The following NDST4 variants were observed in gnomAD, a reference collection of about 807,000 sequenced individuals.
NDST4 encodes N-deacetylase and N-sulfotransferase 4, also known as N-heparan sulfate sulfotransferase 4.
A neutral mutation model predicts 100.8 loss-of-function variants in NDST4; 63 were observed. The ratio of observed to expected loss-of-function variants is 0.62; its 90% CI spans 0.51 to 0.77. NDST4 has a LOEUF of 0.77. Among genes scored for constraint, NDST4 ranks in the 30% least tolerant of loss-of-function variants. NDST4 has a pLI of 0.00. For missense variants in NDST4, 943 were observed against 1,018.4 expected (o/e 0.93, Z 1.01); for synonymous variants, 377 against 361.8 (o/e 1.04, Z -0.48).
At position 114,827,783 on chromosome 4, in the gene NDST4, GTATCTT is replaced by G; in HGVS notation, c.*27_*32del. 6.3e-7 allele frequency: 1 copy of G among 1,594,158 alleles called. No individual in the cohort carries two copies. Reference sequence around the variant, plus strand: ...ATTTATTTTTTTTTTAACACTAAAAGTATCTTGAGAGGCTTAGTTCTTGTCTCCAGT... The same window carrying G: ...ATTTATTTTTTTTTTAACACTAAAAGGAGAGGCTTAGTTCTTGTCTCCAGT... On this transcript the variant is annotated 3_prime_UTR_variant, in exon 14 of 14. Transcript: ENST00000264363.
In NDST4 at chr4:115,076,965, C is replaced by A. The variant is rs1034075453; in HGVS notation, c.72G>T (p.Val24=). 2 of 1,613,226 alleles carry A rather than the reference C, an allele frequency of 1.2e-6. No homozygotes were observed. Among genetic ancestry groups the A allele is most frequent in the African/African-American group, 2.7e-5 (2 of 74,918 alleles). The change falls in exon 2 of 14, where the codon GTG becomes GTT. Residue 24 remains valine (V), a synonymous_variant. Coordinates refer to ENST00000264363, the MANE Select transcript of NDST4 (RefSeq NM_022569.3). The part of the protein sequence containing the change: ...LIVLLATFCL[V]SIVISAYFLY... ...GAAAATAGGCAGAAATGACAATGCT[C>A]ACCAAGCAAAAGGTAGCTAAGAGAA... is the stretch of plus-strand genomic sequence containing the variant.
chr4:114,958,047 G>A (rs968488609), intron 4 of NDST4, among the ~76,000 whole-genome samples: 3 of 152,200 alleles, frequency 2.0e-5, no homozygotes, highest in Non-Finnish European at 4.4e-5. Context: ...GGGGTCTAGA[G>A]GATGGTGACC....
intron 2 of NDST4, among the ~76,000 whole-genome samples, chr4:115,071,299 C>CAT (rs1315416821): frequency 6.6e-6 from 1 of 151,394 alleles, no homozygotes; most frequent in Non-Finnish European, 1.5e-5. Flanking sequence ...CACACACACA[C>CAT]ACACACACAC....
chr4:114,963,902 T>C lies in NDST4; in HGVS notation c.1221+6528A>G, dbSNP rs140959465. Among the ~76,000 whole-genome samples the C allele has an allele frequency of 2.6e-3, 398 of 152,328 alleles. 1 individual carries two copies. The highest frequency in any genetic ancestry group is 9.2e-3 in the African/African-American group (384 of 41,584). ...TTTCTAGTTAGATGTGATAGGCAGCTTCTATAATGTCTTCCAACTAGTTAT... is the reference window on the plus strand; with the variant it reads ...TTTCTAGTTAGATGTGATAGGCAGCCTCTATAATGTCTTCCAACTAGTTAT... On this transcript the variant is annotated intron_variant, in intron 4 of 13. Transcript: ENST00000264363.
intron 2 of NDST4, among the ~76,000 whole-genome samples, chr4:115,031,569 C>T (rs1436771235): frequency 6.6e-6 from 1 of 152,040 alleles, no homozygotes; most frequent in Non-Finnish European, 1.5e-5. Flanking sequence ...TGTTCAAGTT[C>T]TCCTAAGAAA....
chr4:115,112,500 C>T (rs1158016947), intron 1 of NDST4, among the ~76,000 whole-genome samples: 1 of 151,752 alleles, frequency 6.6e-6, no homozygotes, highest in Non-Finnish European at 1.5e-5. Flanking sequence ...TTGAAAGAGA[C>T]ATGATAAAAC....
At chr4:114,897,372 T>C (rs1724737961) in intron 6 of NDST4, among the ~76,000 whole-genome samples, 1 of 152,200 alleles carries the variant, frequency 6.6e-6, no homozygotes, top group African/African-American at 2.4e-5. Context: ...ATAATATACA[T>C]TTAAGTTTCT....
intron 3 of NDST4, among the ~76,000 whole-genome samples, chr4:114,971,617 T>G (rs279526): frequency 0.42 from 63,434 of 151,936 alleles, 14,400 homozygotes; most frequent in African/African-American, 0.6. Flanking sequence ...ATAGTGTGGG[T>G]TGTATTATTT....
At position 114,937,514 on chromosome 4, in the gene NDST4, G is replaced by A. The variant is rs940229958; in HGVS notation, c.1222-11C>T. On this transcript the variant is annotated splice_polypyrimidine_tract_variant and intron_variant, in intron 4 of 13. Coordinates refer to ENST00000264363, the MANE Select transcript of NDST4 (RefSeq NM_022569.3). ...TGGTATTCCATGTTCCTAAAACAAA[G>A]CCAGAACAACATCATGATGGGACAA... 2 of 1,531,652 alleles carry A rather than the reference G, an allele frequency of 1.3e-6. No homozygotes were observed. Among genetic ancestry groups the A allele is most frequent in the Non-Finnish European group, 1.8e-6 (2 of 1,140,920 alleles). The allele number at this position is 1,531,652 out of a possible 1,614,324, so 94.9% of individuals were successfully genotyped here.
chr4:115,005,308 G>C (rs570645186), intron 2 of NDST4, among the ~76,000 whole-genome samples: 2 of 152,238 alleles, frequency 1.3e-5, no homozygotes, highest in East Asian at 3.9e-4. Flanking sequence ...AGATTAATAA[G>C]GTAAGGTTGC....
chr4:114,930,008 A>G (rs1725479712), intron 6 of NDST4, among the ~76,000 whole-genome samples: 1 of 152,206 alleles, frequency 6.6e-6, no homozygotes, highest in South Asian at 2.1e-4. Context: ...TAGCCCCAGA[A>G]TGAAAAGGGT....
At chr4:114,979,053 T>G in intron 2 of NDST4, among the ~76,000 whole-genome samples, 1 of 152,052 alleles carries the variant, frequency 6.6e-6, no homozygotes, top group East Asian at 1.9e-4. Flanking sequence ...CAACACCCAT[T>G]GCTATTTCCT....
intron 1 of NDST4, among the ~76,000 whole-genome samples, chr4:115,107,971 CTG>C (rs1332887068): frequency 3.3e-5 from 5 of 151,906 alleles, no homozygotes; most frequent in African/African-American, 1.2e-4. Flanking sequence ...ACTTCAAAAA[CTG>C]TGTTATCAGG....
At chr4:114,901,616 A>C (rs1724840434) in intron 6 of NDST4, among the ~76,000 whole-genome samples, 1 of 151,852 alleles carries the variant, frequency 6.6e-6, no homozygotes, top group African/African-American at 2.4e-5. Flanking sequence ...ATGTACTTAG[A>C]CTATTGAAAT....
rs529413426 is a variant in NDST4, at chr4:114,962,286, T to A, written c.1221+8144A>T. On this transcript the variant is annotated intron_variant, in intron 4 of 13. Coordinates refer to ENST00000264363, the MANE Select transcript of NDST4 (RefSeq NM_022569.3). ...TGTTCTTGCCATTTCTATTCAACAT[T>A]GTACTGAAAGTTACAGTCAGGACAA... 4.0e-5 allele frequency among the ~76,000 whole-genome samples: 6 copies of A among 150,942 alleles called. No homozygotes were observed. The East Asian group carries it at 1.2e-3, about 30-fold the overall frequency.
chr4:114,993,136 ATATTT>A (rs1727076960), intron 2 of NDST4, among the ~76,000 whole-genome samples: 1 of 151,914 alleles, frequency 6.6e-6, no homozygotes, highest in African/African-American at 2.4e-5. Flanking sequence ...CAAAGGCTCC[ATATTT>A]TATTTATAAT....
intron 2 of NDST4, 132 bp from the exon 3 acceptor site, chr4:114,977,406 T>C: frequency 2.0e-6 from 1 of 504,434 alleles, no homozygotes; most frequent in Non-Finnish European, 3.5e-6. Flanking sequence ...GGTACTGTTA[T>C]GTAGTATTCG....
chr4:115,097,822 C>A (rs1047829791), intron 1 of NDST4, among the ~76,000 whole-genome samples: 1 of 152,146 alleles, frequency 6.6e-6, no homozygotes, highest in Non-Finnish European at 1.5e-5. Flanking sequence ...CTACATCTTC[C>A]CTACTGGGCC....
At chr4:114,945,420 G>A (rs1188807951) in intron 4 of NDST4, among the ~76,000 whole-genome samples, 2 of 152,048 alleles carry the variant, frequency 1.3e-5, no homozygotes, top group African/African-American at 4.8e-5. Flanking sequence ...ACTATGGCTT[G>A]TAAAACCAGC....
Sources: allele counts gnomAD v4.1 joint callset (sites outside exome capture counted in the v4.1 genomes callset), GRCh38; gene constraint gnomAD v4.1.1; transcripts MANE v1.5; gene names NCBI Gene and HGNC (gene_info 2026-07-23, HGNC 2026-07-21).